MYH10: variants seen among roughly 807,000 people sequenced by gnomAD.
The protein encoded by MYH10 is myosin heavy chain 10.
MYH10 carries 55 observed loss-of-function variants against 257.8 expected under a neutral mutation model. The observed-to-expected ratio is 0.21, with a 90% CI of 0.17 to 0.27. MYH10 has a LOEUF of 0.27. Ranked by LOEUF, MYH10 falls within the 10% of genes least tolerant of loss-of-function variation. The probability of loss-of-function intolerance (pLI) is 1.00; values close to 1 mark genes in which losing one functional copy is unlikely to be tolerated. For synonymous variants in MYH10, 854 were observed against 921.7 expected (o/e 0.93, Z 1.33); for missense variants, 1,631 against 2,500.6 (o/e 0.65, Z 7.42).
At chr17:8,556,092 C>A (rs2082783750) in intron 7 of MYH10, among the ~76,000 whole-genome samples, 1 of 152,174 alleles carries the variant, frequency 6.6e-6, no homozygotes, top group Non-Finnish European at 1.5e-5. Flanking sequence ...GATGAGACAC[C>A]ACTATATACC....
At chr17:8,615,909 A>G (rs529971064) in intron 2 of MYH10, among the ~76,000 whole-genome samples, 3 of 152,346 alleles carry the variant, frequency 2.0e-5, no homozygotes, top group African/African-American at 7.2e-5. Flanking sequence ...GACTGATACA[A>G]GGATGCCTCT....
intron 2 of MYH10, among the ~76,000 whole-genome samples, chr17:8,620,086 TA>T (rs1567991343): frequency 6.6e-6 from 1 of 152,026 alleles, no homozygotes; most frequent in Non-Finnish European, 1.5e-5. Flanking sequence ...ACAATACAGT[TA>T]AAAAGCTTAA....
intron 13 of MYH10, among the ~76,000 whole-genome samples, chr17:8,542,728 A>G (rs910227010): frequency 6.6e-6 from 1 of 152,152 alleles, no homozygotes; most frequent in African/African-American, 2.4e-5. Context: ...TGGGGTGGAG[A>G]ATGCATTTGG....
At chr17:8,510,615 T>C (rs965091996) in intron 24 of MYH10, among the ~76,000 whole-genome samples, 4 of 152,180 alleles carry the variant, frequency 2.6e-5, no homozygotes, top group Admixed American at 1.3e-4. Flanking sequence ...GAATAATATA[T>C]AGTAATTAAA....
At chr17:8,518,025 C>CGTGTGTGTGTGTGTGTGTGTGTGTGT (rs34409328) in intron 21 of MYH10, among the ~76,000 whole-genome samples, 2 of 123,628 alleles carry the variant, frequency 1.6e-5, no homozygotes, top group African/African-American at 6.3e-5. Flanking sequence ...CCCTTGGCCC[C>CGTGTGTGTGTGTGTGTGTGTGTGTGT]GTGTGTGTGT....
chr17:8,483,723 T>C lies in MYH10; in HGVS notation c.5175+415A>G, dbSNP rs1597604210. ...AAATGAAGGAATAACAGGAATTCAA[T>C]GAAACAAACTTCTCTCCTTTTAAGT... On this transcript the variant is annotated intron_variant, in intron 37 of 42. Coordinates refer to ENST00000360416, the MANE Select transcript of MYH10 (RefSeq NM_001256012.3). 2.0e-5 allele frequency among the ~76,000 whole-genome samples: 3 copies of C among 152,384 alleles called. 1 individual carries two copies. The South Asian group carries it at 6.2e-4, about 32-fold the overall frequency.
chr17:8,616,291 A>G (rs115079472), intron 2 of MYH10, among the ~76,000 whole-genome samples: 1 of 152,174 alleles, frequency 6.6e-6, no homozygotes, highest in Non-Finnish European at 1.5e-5. Context: ...TCCAAAAAAA[A>G]AAAGTATAAG....
chr17:8,556,216 C>CTTTATGAG (rs1567895153), intron 7 of MYH10, among the ~76,000 whole-genome samples: 12 of 152,340 alleles, frequency 7.9e-5, no homozygotes, highest in African/African-American at 2.4e-4. Flanking sequence ...CAGTTTCTCA[C>CTTTATGAG]GGCGTCAAAC....
At chr17:8,488,102 T>A (rs552412817) in intron 35 of MYH10, among the ~76,000 whole-genome samples, 3 of 152,036 alleles carry the variant, frequency 2.0e-5, no homozygotes, top group Non-Finnish European at 2.9e-5. Flanking sequence ...AGCTGTCCAA[T>A]GGAGGAGGGA....
intron 7 of MYH10, among the ~76,000 whole-genome samples, chr17:8,566,053 G>A (rs1025285503): frequency 2.0e-5 from 3 of 152,126 alleles, no homozygotes; most frequent in African/African-American, 7.2e-5. Flanking sequence ...GCATTGGATG[G>A]TATTTAGCAG....
chr17:8,498,402 A>G (rs1916998375), intron 30 of MYH10, among the ~76,000 whole-genome samples: 1 of 152,148 alleles, frequency 6.6e-6, no homozygotes, highest in Non-Finnish European at 1.5e-5. Flanking sequence ...ACTTTTGTAC[A>G]CACTTCTGCA....
At chr17:8,500,008 CT>C (rs1917270032) in intron 29 of MYH10, among the ~76,000 whole-genome samples, 1 of 152,174 alleles carries the variant, frequency 6.6e-6, no homozygotes, top group Admixed American at 6.5e-5. Context: ...CCTAACACCA[CT>C]GGACCTCAGT....
At chr17:8,613,453 T>C (rs547660625) in intron 2 of MYH10, among the ~76,000 whole-genome samples, 1 of 151,672 alleles carries the variant, frequency 6.6e-6, no homozygotes, top group East Asian at 1.9e-4. Context: ...GAAGAGGAAA[T>C]AAATTTGTTC....
chr17:8,517,797 C>G (rs1358133140), intron 21 of MYH10, among the ~76,000 whole-genome samples: 1 of 152,212 alleles, frequency 6.6e-6, no homozygotes, highest in Non-Finnish European at 1.5e-5. Flanking sequence ...ATTCTCAAGC[C>G]TCTTCTCTCA....
chr17:8,609,021 C>T (rs1054034498), intron 2 of MYH10, among the ~76,000 whole-genome samples: 2 of 152,138 alleles, frequency 1.3e-5, no homozygotes, highest in African/African-American at 4.8e-5. Flanking sequence ...CTGTGTTAGC[C>T]AGGATGGCCT....
intron 3 of MYH10, among the ~76,000 whole-genome samples, chr17:8,592,830 A>G (rs2084205284): frequency 7.1e-6 from 1 of 141,836 alleles, no homozygotes; most frequent in African/African-American, 2.5e-5. Context: ...AAAAAAAAAA[A>G]AAAAAAAAAA....
At chr17:8,479,011 C>T (rs1310321837) in intron 40 of MYH10, among the ~76,000 whole-genome samples, 2 of 152,188 alleles carry the variant, frequency 1.3e-5, no homozygotes, top group Non-Finnish European at 2.9e-5. Context: ...GGATTACAGC[C>T]GTGAGCCAGC....
At chr17:8,497,738 CAAAAAAAA>C (rs559562540) in intron 30 of MYH10, among the ~76,000 whole-genome samples, 4 of 56,874 alleles carry the variant, frequency 7.0e-5, no homozygotes, top group African/African-American at 1.5e-4. Context: ...GACTCTGTCT[CAAAAAAAA>C]AAAAAAAAAA....
At chr17:8,586,710 G>A (rs865812256) in intron 4 of MYH10, among the ~76,000 whole-genome samples, 10 of 152,104 alleles carry the variant, frequency 6.6e-5, no homozygotes, top group East Asian at 1.9e-4. Context: ...AAGTGCTAGC[G>A]TCTGTACTGG....
Sources: allele counts gnomAD v4.1 joint callset (sites outside exome capture counted in the v4.1 genomes callset), GRCh38; gene constraint gnomAD v4.1.1; transcripts MANE v1.5; gene names NCBI Gene and HGNC (gene_info 2026-07-23, HGNC 2026-07-21).